The following GLI3 variants were observed in gnomAD, a reference collection of about 807,000 sequenced individuals.
GLI3 encodes GLI family zinc finger 3.
In GLI3, 20 loss-of-function variants were observed where a neutral mutation model predicts 100.8. That is an observed-to-expected ratio of 0.20 (90% CI 0.14 to 0.29). The LOEUF (loss-of-function observed/expected upper bound fraction) is 0.29, where lower values mean the gene tolerates loss of function less well. GLI3 is among the 10% of genes least tolerant of loss of function. The pLI is 1.00. For synonymous variants in GLI3, 938 were observed against 860.5 expected (o/e 1.09, Z -1.58); for missense variants, 2,040 against 2,128.5 (o/e 0.96, Z 0.82).
chr7:41,984,082 C>T (rs914169580), intron 10 of GLI3, among the ~76,000 whole-genome samples: 7 of 152,288 alleles, frequency 4.6e-5, no homozygotes, highest in Admixed American at 1.3e-4. Context: ...GTGCTTCTTT[C>T]TTTTAACGGA....
rs1265840227 is a variant in GLI3, at chr7:41,966,250, C to T, written c.2823G>A (p.Pro941=). ...AKYAAATGGP[P]PTPLPNMERM... is the part of the protein sequence containing the mutation. ...TCTCCATGTTGGGCAGGGGCGTCGG[C>T]GGCGGCCCTCCTGTGGCAGCCGCGT... Residue 941 remains proline (P), a synonymous_variant, in exon 15 of 15, where the codon CCG becomes CCA. Transcript: ENST00000395925. This position sits in a 1 kb window ranked among gnomAD's most constrained non-coding sequence, Gnocchi z 5.8. 4 of 1,607,782 alleles carry T rather than the reference C, an allele frequency of 2.5e-6. No individual in the cohort carries two copies. Among genetic ancestry groups the T allele is most frequent in the Admixed American group, 1.7e-5 (1 of 59,928 alleles).
intron 4 of GLI3, among the ~76,000 whole-genome samples, chr7:42,050,451 C>T (rs1055302886): frequency 7.2e-5 from 11 of 152,184 alleles, no homozygotes; most frequent in African/African-American, 2.7e-4. Flanking sequence ...TTAACTCAGC[C>T]CCTAAGCTCC....
chr7:42,075,167 A>G (rs535119962), intron 4 of GLI3, among the ~76,000 whole-genome samples: 1 of 152,350 alleles, frequency 6.6e-6, no homozygotes, highest in South Asian at 2.1e-4. Context: ...TTTGAATTTA[A>G]TTACAAGGCA....
intron 2 of GLI3, among the ~76,000 whole-genome samples, chr7:42,162,103 C>T (rs201587385): frequency 3.8e-4 from 58 of 152,246 alleles, no homozygotes; most frequent in Non-Finnish European, 6.6e-4. Flanking sequence ...TGAGAAGGGA[C>T]GCAGAGGCTA....
chr7:42,059,154 T>C (rs1053309542), intron 4 of GLI3, among the ~76,000 whole-genome samples: 1 of 152,192 alleles, frequency 6.6e-6, no homozygotes. Context: ...CTGAACCAAA[T>C]GGCAGATGAC....
At chr7:42,062,498 A>G (rs1784589355) in intron 4 of GLI3, among the ~76,000 whole-genome samples, 1 of 152,130 alleles carries the variant, frequency 6.6e-6, no homozygotes, top group Admixed American at 6.6e-5. Context: ...TTGGATGGTG[A>G]TTGATTAGAA....
At chr7:42,010,331 G>C (rs1487966079) in intron 10 of GLI3, among the ~76,000 whole-genome samples, 1 of 152,216 alleles carries the variant, frequency 6.6e-6, no homozygotes, top group East Asian at 1.9e-4. Context: ...GGGCTGGGTA[G>C]GGGAGTGCAC....
intron 2 of GLI3, among the ~76,000 whole-genome samples, chr7:42,161,116 A>C (rs1273544375): frequency 6.6e-6 from 1 of 152,216 alleles, no homozygotes; most frequent in East Asian, 1.9e-4. Flanking sequence ...AAGAAAAATC[A>C]AGCAAATTAT....
intron 3 of GLI3, among the ~76,000 whole-genome samples, chr7:42,096,454 A>G (rs1785340313): frequency 1.3e-5 from 2 of 152,206 alleles, no homozygotes; most frequent in Admixed American, 1.3e-4. Context: ...CTCACGGGAG[A>G]AACTTCAAAC....
chr7:42,082,906 A>T (rs1490662051), intron 3 of GLI3, among the ~76,000 whole-genome samples: 2 of 152,162 alleles, frequency 1.3e-5, no homozygotes. Flanking sequence ...TTAATTTTTT[A>T]ATTTTTTATA....
At chr7:42,215,627 A>G (rs867905826) in intron 2 of GLI3, among the ~76,000 whole-genome samples, 4 of 152,220 alleles carry the variant, frequency 2.6e-5, no homozygotes, top group Non-Finnish European at 5.9e-5. Flanking sequence ...CCATCCAAGC[A>G]AAACATCATG....
At chr7:42,111,748 C>T (rs1785712655) in intron 3 of GLI3, among the ~76,000 whole-genome samples, 1 of 152,198 alleles carries the variant, frequency 6.6e-6, no homozygotes, top group Non-Finnish European at 1.5e-5. Flanking sequence ...CTGTTCTTTC[C>T]TCAGCTCGCT....
Position 41,972,724 on chromosome 7 carries a change from C to T in GLI3, c.1813-97G>A. The stretch of plus-strand genomic sequence containing the variant: ...ATGGTTGCTCATTACATTTTTAATC[C>T]TTTCAAAACACTTTCACAAGGCTTT... On this transcript the variant is annotated intron_variant, in intron 12 of 14. Coordinates refer to ENST00000395925, the MANE Select transcript of GLI3 (RefSeq NM_000168.6). The surrounding 1 kb of genome is among the most constrained non-coding windows in gnomAD (Gnocchi z 4.4). 1 of 980,434 alleles carries T rather than the reference C, an allele frequency of 1.0e-6. No individual in the cohort carries two copies. The highest frequency in any genetic ancestry group is 1.6e-6 in the Non-Finnish European group (1 of 634,786). The allele number at this position is 980,434 out of a possible 1,614,324, so 60.7% of individuals were successfully genotyped here.
In GLI3 at chr7:42,190,673, T is replaced by C. The variant is rs531115498; in HGVS notation, c.124+32457A>G. Among the ~76,000 whole-genome samples, 14 of 152,288 alleles carry C rather than the reference T, an allele frequency of 9.2e-5. No individual in the cohort carries two copies. The East Asian group carries it at 2.7e-3, about 29-fold the overall frequency. Reference sequence around the variant, plus strand: ...TTAAGACATATGGAAAAAATTGCAATACATTTTGAAAACAAATGCAATCTC... The same window carrying C: ...TTAAGACATATGGAAAAAATTGCAACACATTTTGAAAACAAATGCAATCTC... On this transcript the variant is annotated intron_variant, in intron 2 of 14. Transcript: ENST00000395925.
intron 3 of GLI3, among the ~76,000 whole-genome samples, chr7:42,095,561 GAAGTA>G (rs1397083631): frequency 1.6e-4 from 25 of 152,188 alleles, no homozygotes; most frequent in African/African-American, 5.8e-4. Context: ...GGGAGAAGCA[GAAGTA>G]AAGGACACAG....
chr7:42,225,539 T>C (rs1788565795), intron 1 of GLI3, among the ~76,000 whole-genome samples: 1 of 152,132 alleles, frequency 6.6e-6, no homozygotes, highest in South Asian at 2.1e-4. Context: ...TTTTGTATTT[T>C]TACTAGAGAT....
At chr7:42,173,082 C>T (rs926286440) in intron 2 of GLI3, among the ~76,000 whole-genome samples, 2 of 152,144 alleles carry the variant, frequency 1.3e-5, no homozygotes, top group Admixed American at 6.5e-5. Flanking sequence ...ATTGTCACAA[C>T]GACGGGTATA....
chr7:42,114,621 T>C (rs954784226), intron 3 of GLI3, among the ~76,000 whole-genome samples: 1 of 152,174 alleles, frequency 6.6e-6, no homozygotes, highest in Non-Finnish European at 1.5e-5. Context: ...TCCTTGCCAG[T>C]ATATACCTGT....
At chr7:42,251,137 C>G (rs1789026488) in intron 1 of GLI3, among the ~76,000 whole-genome samples, 1 of 152,214 alleles carries the variant, frequency 6.6e-6, no homozygotes, top group African/African-American at 2.4e-5. Flanking sequence ...CCTGGGGCAA[C>G]ACTGGGCCTT....
Sources: gnomAD v4.1 joint callset for allele counts (sites outside exome capture counted in the v4.1 genomes callset) on GRCh38, gnomAD v4.1.1 for gene constraint, Gnocchi (gnomAD v3.1) non-coding constraint, MANE v1.5 for transcripts, NCBI Gene and HGNC (gene_info 2026-07-23, HGNC 2026-07-21) for gene names.